NEMP2: variants seen among roughly 807,000 people sequenced by gnomAD.
NEMP2 encodes the protein UPF0571 transmembrane protein.
A neutral mutation model predicts 54.2 loss-of-function variants in NEMP2; 53 were observed. The ratio of observed to expected loss-of-function variants is 0.98; its 90% confidence interval spans 0.78 to 1.23. The LOEUF (loss-of-function observed/expected upper bound fraction) is 1.23, where lower values mean the gene tolerates loss of function less well. Ranked by LOEUF, NEMP2 falls within the 50% of genes most tolerant of loss-of-function variation. The probability of loss-of-function intolerance (pLI) is 0.00; values close to 1 mark genes in which losing one functional copy is unlikely to be tolerated. For synonymous variants in NEMP2, 197 were observed against 190.3 expected (o/e 1.04, Z -0.29); for missense variants, 455 against 511.3 (o/e 0.89, Z 1.06).
At chr2:190,638,342 C>T in the NEMP2 span, among the ~76,000 whole-genome samples, 55,067 of 151,726 alleles carry the variant, frequency 0.36, 10,537 homozygotes, top group African/African-American at 0.5. The surrounding 1 kb of genome is among the most constrained non-coding windows in gnomAD (Gnocchi z 5.7). Flanking sequence ...ATTTTTGACC[C>T]TAGCATCAAA....
At position 190,523,640 on chromosome 2, in the gene NEMP2, T is replaced by A. The variant is rs529661022; in HGVS notation, c.213+1623A>T. Among the ~76,000 whole-genome samples the A allele has an allele frequency of 9.9e-5, 15 of 152,280 alleles. No homozygotes were observed. The South Asian group carries it at 3.1e-3, about 32-fold the overall frequency. On this transcript the variant is annotated intron_variant, in intron 2 of 8. Transcript: ENST00000409150. This position sits in a 1 kb window ranked among gnomAD's most constrained non-coding sequence, Gnocchi z 5.3. Reference sequence around the variant, plus strand: ...AATGTTATGATTCCAGAGCTAAGTCTATGAAATTACACACGCCTAGAACAT... The same window carrying A: ...AATGTTATGATTCCAGAGCTAAGTCAATGAAATTACACACGCCTAGAACAT...
At chr2:190,480,472 TA>T in the NEMP2 span, among the ~76,000 whole-genome samples, 1 of 152,220 alleles carries the variant, frequency 6.6e-6, no homozygotes, top group Non-Finnish European at 1.5e-5. Flanking sequence ...ATTTGAAAAT[TA>T]AATTTAAAGC....
At chr2:190,575,208 A>T in the NEMP2 span, among the ~76,000 whole-genome samples, 1 of 151,980 alleles carries the variant, frequency 6.6e-6, no homozygotes, top group Non-Finnish European at 1.5e-5. Flanking sequence ...CACCATCCCC[A>T]ACAAGTGGTT....
chr2:190,438,532 T>C, the NEMP2 span, among the ~76,000 whole-genome samples: 1 of 152,266 alleles, frequency 6.6e-6, no homozygotes, highest in African/African-American at 2.4e-5. This position sits in a 1 kb window ranked among gnomAD's most constrained non-coding sequence, Gnocchi z 5.2. Context: ...GAGAACACCC[T>C]GTAAGTGCCT....
the NEMP2 span, among the ~76,000 whole-genome samples, chr2:190,567,914 TG>T: frequency 6.6e-6 from 1 of 152,222 alleles, no homozygotes; most frequent in East Asian, 1.9e-4. This position sits in a 1 kb window ranked among gnomAD's most constrained non-coding sequence, Gnocchi z 4.0. Context: ...CCCAAAGTGC[TG>T]GGATTACAGG....
chr2:190,563,645 C>T, the NEMP2 span, among the ~76,000 whole-genome samples: 1 of 152,216 alleles, frequency 6.6e-6, no homozygotes, highest in Non-Finnish European at 1.5e-5. The surrounding 1 kb of genome is among the most constrained non-coding windows in gnomAD (Gnocchi z 4.3). Context: ...AGTGAAAACA[C>T]ACTCCCCATC....
the NEMP2 span, among the ~76,000 whole-genome samples, chr2:190,449,473 C>CA: frequency 4.6e-3 from 657 of 141,544 alleles, 4 homozygotes; most frequent in Non-Finnish European, 6.0e-3. Flanking sequence ...GACTTCGTCT[C>CA]AAAAAAAAAA....
the NEMP2 span, among the ~76,000 whole-genome samples, chr2:190,488,027 C>T: frequency 6.6e-6 from 1 of 152,142 alleles, no homozygotes; most frequent in African/African-American, 2.4e-5. This position sits in a 1 kb window ranked among gnomAD's most constrained non-coding sequence, Gnocchi z 6.4. Flanking sequence ...CTCAGCCTCC[C>T]GAGTAGCTGG....
At chr2:190,587,330 A>G in the NEMP2 span, among the ~76,000 whole-genome samples, 151,685 of 152,276 alleles carry the variant, frequency 1, 75,550 homozygotes, top group Non-Finnish European at 1. The surrounding 1 kb of genome is among the most constrained non-coding windows in gnomAD (Gnocchi z 5.4). Flanking sequence ...CCTGTAACCC[A>G]AGCTGCTGCA....
chr2:190,450,087 A>T, the NEMP2 span, among the ~76,000 whole-genome samples: 1 of 152,226 alleles, frequency 6.6e-6, no homozygotes, highest in African/African-American at 2.4e-5. Flanking sequence ...CCCAAAGCTC[A>T]TAAAGTTTAT....
the NEMP2 span, among the ~76,000 whole-genome samples, chr2:190,441,043 G>A: frequency 3.3e-5 from 5 of 152,100 alleles, no homozygotes; most frequent in East Asian, 1.9e-4. Context: ...CTCTGCAGCC[G>A]GGTGTTCAAT....
the NEMP2 span, among the ~76,000 whole-genome samples, chr2:190,544,930 CAAAAA>C: frequency 1.1e-5 from 1 of 90,794 alleles, no homozygotes. Flanking sequence ...TCTACCCCCG[CAAAAA>C]AAAAAAAAAA....
At chr2:190,455,519 A>T in the NEMP2 span, among the ~76,000 whole-genome samples, 37 of 152,238 alleles carry the variant, frequency 2.4e-4, no homozygotes, top group Admixed American at 1.0e-3. Context: ...CAGTTTGTTG[A>T]TCTGCACGAC....
rs1042708552 is a variant in NEMP2, at chr2:190,504,738, C to T, written c.*4451G>A. The T allele has an allele frequency of 2.0e-5, 3 of 152,038 alleles. No homozygotes were observed. Among genetic ancestry groups the T allele is most frequent in the African/African-American group, 7.2e-5 (3 of 41,398 alleles). The allele number at this position is 152,038 out of a possible 1,614,324, so 9.4% of individuals were successfully genotyped here. On this transcript the variant is annotated 3_prime_UTR_variant, in exon 9 of 9. Transcript: ENST00000409150. This position sits in a 1 kb window ranked among gnomAD's most constrained non-coding sequence, Gnocchi z 5.6. Reference sequence around the variant, plus strand: ...GGATGCTATTCTTTTAAATTGTAAACTTACATTTGAAAAAAGGTCGGATTT... The same window carrying T: ...GGATGCTATTCTTTTAAATTGTAAATTTACATTTGAAAAAAGGTCGGATTT...
At chr2:190,448,164 T>G in the NEMP2 span, among the ~76,000 whole-genome samples, 1 of 152,160 alleles carries the variant, frequency 6.6e-6, no homozygotes, top group East Asian at 1.9e-4. Flanking sequence ...GCTGAGGTGA[T>G]GGTCAAAGTG....
chr2:190,631,517 ATATGT>A, the NEMP2 span, among the ~76,000 whole-genome samples: 21 of 152,358 alleles, frequency 1.4e-4, no homozygotes, highest in East Asian at 3.7e-3. Context: ...ACCAAAGAGC[ATATGT>A]TATATTTTAA....
At chr2:190,623,788 G>A in the NEMP2 span, among the ~76,000 whole-genome samples, 2 of 152,096 alleles carry the variant, frequency 1.3e-5, no homozygotes, top group African/African-American at 4.8e-5. Context: ...AAAAGCACAG[G>A]CAGCCAAAAC....
At chr2:190,613,404 T>C in the NEMP2 span, among the ~76,000 whole-genome samples, 3 of 152,142 alleles carry the variant, frequency 2.0e-5, no homozygotes, top group Non-Finnish European at 4.4e-5. Context: ...TTAAAAAACA[T>C]TTTATTTATT....
At chr2:190,457,782 CT>C in the NEMP2 span, among the ~76,000 whole-genome samples, 1 of 152,178 alleles carries the variant, frequency 6.6e-6, no homozygotes, top group South Asian at 2.1e-4. This position sits in a 1 kb window ranked among gnomAD's most constrained non-coding sequence, Gnocchi z 5.1. Context: ...ATGACCACTC[CT>C]GAGAAAGTCC....
Sources: allele counts gnomAD v4.1 joint callset (sites outside exome capture counted in the v4.1 genomes callset), GRCh38; gene constraint gnomAD v4.1.1; non-coding constraint Gnocchi (gnomAD v3.1); transcripts MANE v1.5; gene names NCBI Gene and HGNC (gene_info 2026-07-23, HGNC 2026-07-21).